FKBP6: variants seen among roughly 807,000 people sequenced by gnomAD.
FKBP6 encodes inactive peptidyl-prolyl cis-trans isomerase FKBP6.
FKBP6 carries 29 observed loss-of-function variants against 41.7 expected under a neutral mutation model. The observed-to-expected ratio is 0.70, with a 90% CI of 0.52 to 0.95. FKBP6 has a LOEUF of 0.95. Ranked by LOEUF, FKBP6 falls within the 40% of genes least tolerant of loss-of-function variation. The pLI is 0.00. For synonymous variants in FKBP6, 130 were observed against 165.1 expected (o/e 0.79, Z 1.63); for missense variants, 338 against 408.7 (o/e 0.83, Z 1.49).
At chr7:73,334,572 C>T (rs1804946845) in intron 5 of FKBP6, among the ~76,000 whole-genome samples, 1 of 152,066 alleles carries the variant, frequency 6.6e-6, no homozygotes, top group African/African-American at 2.4e-5. Flanking sequence ...TTGCTTGAAG[C>T]CAGGAGTTAA....
Position 73,328,480 on chromosome 7 carries a change from G to A in FKBP6, c.52G>A (p.Gly18Ser), listed in dbSNP as rs1269569484. The change falls in exon 1 of 9, where the codon GGC (glycine) becomes AGC (serine). Residue 18 changes from glycine to serine, a missense_variant. Physicochemically the swap from Gly to Ser is moderately conservative, Grantham distance 56. Around this residue, in one of 2 missense-constraint regions of FKBP6, gnomAD observed 99 missense variants for 158.6 expected, o/e 0.62. Coordinates refer to ENST00000252037, the MANE Select transcript of FKBP6 (RefSeq NM_003602.5). ...QGVLEGDDAPGQSLYERLSQR... is the reference protein window; with the variant it reads ...QGVLEGDDAPSQSLYERLSQR... Reference sequence around the variant, plus strand: ...AGTCCTGGAAGGGGACGACGCCCCCGGCCAGGTGAGGGCCCAGACGTTTCG... The same window carrying A: ...AGTCCTGGAAGGGGACGACGCCCCCAGCCAGGTGAGGGCCCAGACGTTTCG... The A allele has an allele frequency of 5.2e-6, 8 of 1,553,178 alleles. No homozygotes were observed. Among genetic ancestry groups the A allele is most frequent in the Non-Finnish European group, 7.0e-6 (8 of 1,146,944 alleles).
At chr7:73,349,201 G>C (rs1485081509) in intron 8 of FKBP6, among the ~76,000 whole-genome samples, 1 of 150,548 alleles carries the variant, frequency 6.6e-6, no homozygotes, top group African/African-American at 2.5e-5. Context: ...CCTGAGGTCA[G>C]GAGTTCGAGA....
chr7:73,342,730 G>A, intron 7 of FKBP6, 77 bp from the exon 8 acceptor site: 1 of 982,302 alleles, frequency 1.0e-6, no homozygotes, highest in Non-Finnish European at 1.7e-6. Context: ...CTGGATGTGA[G>A]TGGAGAATTC....
intron 6 of FKBP6, 74 bp from the exon 7 acceptor site, chr7:73,341,199 C>G: frequency 9.6e-7 from 1 of 1,043,808 alleles, no homozygotes; most frequent in Non-Finnish European, 1.5e-6. Flanking sequence ...GCTGGGATTA[C>G]AGGCATGAGC....
In FKBP6 at chr7:73,350,791, G is replaced by A. The variant is rs531271095; in HGVS notation, c.*3-7390G>A. ...CCCGGAGCAGCGGGCCCTCAGCCCA[G>A]TGCCAATGCCGAGGCCACAGGAGGC... On this transcript the variant is annotated intron_variant, in intron 8 of 8. Transcript: ENST00000252037. Among the ~76,000 whole-genome samples the A allele has an allele frequency of 2.1e-3, 324 of 152,252 alleles. 1 individual carries two copies. The highest frequency in any genetic ancestry group is 3.4e-3 in the Middle Eastern group (1 of 292).
chr7:73,349,712 CAAAAAAAAAAA>C (rs1213747722), intron 8 of FKBP6, among the ~76,000 whole-genome samples: 6 of 27,858 alleles, frequency 2.2e-4, no homozygotes, highest in African/African-American at 6.4e-4. Flanking sequence ...GACTCCGTCT[CAAAAAAAAAAA>C]AAAAAAAAAA....
intron 5 of FKBP6, among the ~76,000 whole-genome samples, chr7:73,334,035 G>A (rs1353204459): frequency 6.6e-6 from 1 of 152,026 alleles, no homozygotes; most frequent in Non-Finnish European, 1.5e-5. Context: ...TGGCATAATT[G>A]CACTGCAGCC....
At chr7:73,355,935 G>A (rs544893155) in intron 8 of FKBP6, among the ~76,000 whole-genome samples, 38 of 151,802 alleles carry the variant, frequency 2.5e-4, no homozygotes, top group African/African-American at 8.7e-4. Context: ...GTGTGGTAGC[G>A]GGCGCCTGTG....
At chr7:73,345,668 A>C (rs1805313976) in intron 8 of FKBP6, among the ~76,000 whole-genome samples, 1 of 152,222 alleles carries the variant, frequency 6.6e-6, no homozygotes, top group South Asian at 2.1e-4. Flanking sequence ...AATGGTTAAC[A>C]TACAACAGGT....
chr7:73,340,613 G>T, intron 5 of FKBP6, 25 bp from the exon 6 acceptor site: 1 of 1,601,032 alleles, frequency 6.2e-7, no homozygotes, highest in South Asian at 1.1e-5. Context: ...TACTCCTCTT[G>T]ACCATCTGCC....
At chr7:73,348,119 G>C (rs115768171) in intron 8 of FKBP6, among the ~76,000 whole-genome samples, 3,944 of 152,112 alleles carry the variant, frequency 0.026, 168 homozygotes, top group African/African-American at 0.089. Context: ...CTGTCATCTT[G>C]TTATGGGACA....
rs782474138 is a variant in FKBP6 at position 73,329,342 on chromosome 7, T to C, written c.176-18T>C. 1.3e-6 allele frequency: 2 copies of C among 1,483,854 alleles called. No homozygotes were observed. The highest frequency in any genetic ancestry group is 2.3e-5 in the South Asian group (2 of 88,466). The allele number at this position is 1,483,854 out of a possible 1,614,324, so 91.9% of individuals were successfully genotyped here. On this transcript the variant is annotated intron_variant, in intron 2 of 8. Transcript: ENST00000252037. ...GTGTTTTTGGTCCATTTTCCTTACA[T>C]TCTTTCTTCTATCCTAGTGAAATAC... is the stretch of plus-strand genomic sequence containing the variant.
intron 8 of FKBP6, among the ~76,000 whole-genome samples, chr7:73,343,691 G>GATA (rs1554549941): frequency 1.3e-5 from 2 of 152,144 alleles, no homozygotes; most frequent in African/African-American, 4.8e-5. Context: ...AAGCACATGA[G>GATA]ATAACCCTCC....
Position 73,340,716 on chromosome 7 carries a change from C to T in FKBP6, c.667C>T (p.Leu223=). Residue 223 remains leucine (L), a synonymous_variant, in exon 6 of 9, where the codon CTG becomes TTG. Transcript: ENST00000252037. ...LVEAAKLPVL[L]NLSFTYLKLD... ...GGAGGCCGCCAAGCTTCCTGTTCTC[C>T]TGAACCTGTCCTTTACATACCTGAA... The T allele has an allele frequency of 6.2e-7, 1 of 1,613,994 alleles. No homozygotes were observed. Among genetic ancestry groups the T allele is most frequent in the Non-Finnish European group, 8.5e-7 (1 of 1,179,980 alleles).
chr7:73,351,493 G>A (rs1012402939), intron 8 of FKBP6, among the ~76,000 whole-genome samples: 6 of 152,126 alleles, frequency 3.9e-5, no homozygotes, highest in Admixed American at 2.6e-4. Context: ...TGTGTGACCT[G>A]GGCTCTTAAT....
At chr7:73,347,460 C>A (rs1197559851) in intron 8 of FKBP6, among the ~76,000 whole-genome samples, 1 of 152,180 alleles carries the variant, frequency 6.6e-6, no homozygotes, top group Non-Finnish European at 1.5e-5. Context: ...CCACAGGGCT[C>A]AATACTATGT....
intron 8 of FKBP6, among the ~76,000 whole-genome samples, 169 bp downstream of exon 8, chr7:73,343,068 G>A (rs1805239169): frequency 6.6e-6 from 1 of 152,250 alleles, no homozygotes; most frequent in Non-Finnish European, 1.5e-5. Context: ...CGTGCTGCAC[G>A]CCTACCTTTC....
rs75455302 is a variant in FKBP6 at position 73,342,714 on chromosome 7, G to T, written c.894-93G>T. On this transcript the variant is annotated intron_variant, in intron 7 of 8. Transcript: ENST00000252037. ...CAGTTTGAGTCCTGATAAATTTTCA[G>T]TGTTTCTGGATGTGAGTGGAGAATT... The T allele has an allele frequency of 9.6e-4, 849 of 886,034 alleles. 6 individuals carry two copies. In the African/African-American group the frequency reaches 0.011, roughly 11 times the overall value. 54.9% of individuals were successfully genotyped at this position (886,034 alleles called of 1,614,324 possible). A position where few individuals can be genotyped will look rare whatever the true frequency, so the allele number is the denominator to read the frequency against.
chr7:73,340,808 C>G lies in FKBP6; in HGVS notation c.759C>G (p.Ala253=). The G allele has an allele frequency of 9.9e-6, 16 of 1,613,948 alleles. No homozygotes were observed. Among genetic ancestry groups the G allele is most frequent in the Non-Finnish European group, 1.4e-5 (16 of 1,179,970 alleles). ...CTTTGATCATTGACCAAAAGAATGC[C>G]AAGGCCCTCTTCAGGTGTGGACAGG... ...EQALIIDQKN[A]KALFRCGQAC... is the part of the protein sequence containing the mutation. Residue 253 remains alanine, a synonymous_variant, in exon 6 of 9, where the codon GCC becomes GCG. Transcript: ENST00000252037.
Sources: allele counts gnomAD v4.1 joint callset (sites outside exome capture counted in the v4.1 genomes callset), GRCh38; gene constraint gnomAD v4.1.1; regional missense constraint gnomAD v4.1.1; transcripts MANE v1.5; gene names NCBI Gene and HGNC (gene_info 2026-07-23, HGNC 2026-07-21).